Variants in TMEM132D observed in about 807,000 individuals in gnomAD.
TMEM132D encodes the protein transmembrane protein 132D.
TMEM132D carries 21 observed loss-of-function variants against 62.3 expected under a neutral mutation model. The observed-to-expected ratio is 0.34, with a 90% CI of 0.24 to 0.49. The LOEUF is 0.49. Ranked by LOEUF, TMEM132D falls within the 20% of genes least tolerant of loss-of-function variation. TMEM132D has a pLI of 0.99. For synonymous variants in TMEM132D, 621 were observed against 575.6 expected, an observed-to-expected ratio of 1.08 and a Z score of -1.13; for missense variants, 1,346 against 1,402.8, an observed-to-expected ratio of 0.96 and a Z score of 0.65.
intron 3 of TMEM132D, among the ~76,000 whole-genome samples, chr12:129,347,358 G>T (rs544975685): frequency 3.9e-5 from 6 of 152,128 alleles, no homozygotes; most frequent in African/African-American, 1.4e-4. Context: ...TACCAAAACA[G>T]ATATAGAGAC....
intron 3 of TMEM132D, among the ~76,000 whole-genome samples, chr12:129,343,405 A>G (rs1869567916): frequency 6.6e-6 from 1 of 150,856 alleles, no homozygotes; most frequent in Admixed American, 6.6e-5. Context: ...GAAGAGGAAC[A>G]TCACACACTG....
chr12:129,502,744 A>G (rs1233645475), intron 3 of TMEM132D, among the ~76,000 whole-genome samples: 2 of 152,214 alleles, frequency 1.3e-5, no homozygotes, highest in Non-Finnish European at 2.9e-5. Flanking sequence ...TCTGGCATTG[A>G]TATTCATTGG....
In TMEM132D at chr12:129,178,852, C is replaced by T. The variant is rs368960128; in HGVS notation, c.1443+30668G>A. Among the ~76,000 whole-genome samples, 158 of 152,252 alleles carry T rather than the reference C, an allele frequency of 1.0e-3. 1 individual carries two copies. Among genetic ancestry groups the T allele is most frequent in the Admixed American group, 2.2e-3 (34 of 15,288 alleles). ...CTGCACTCCTTGAACCTGGGTTTGG[C>T]CAGGTGGCTGCTGTGGGTCAAAGGA... On this transcript the variant is annotated intron_variant, in intron 5 of 8. Coordinates refer to ENST00000422113, the MANE Select transcript of TMEM132D (RefSeq NM_133448.3).
At chr12:129,482,655 A>G (rs1874462010) in intron 3 of TMEM132D, among the ~76,000 whole-genome samples, 1 of 152,216 alleles carries the variant, frequency 6.6e-6, no homozygotes, top group Non-Finnish European at 1.5e-5. Context: ...GTACAGCAAA[A>G]TAGCTTTTTA....
At chr12:129,895,961 CTCTTTTTTT>C (rs1166737960) in intron 1 of TMEM132D, among the ~76,000 whole-genome samples, 7 of 99,806 alleles carry the variant, frequency 7.0e-5, no homozygotes, top group African/African-American at 1.0e-4. Flanking sequence ...TTCTCTGTCT[CTCTTTTTTT>C]TTTTTTTTTT....
chr12:129,087,944 GGGTGTCCTCCCT>G (rs879930815), intron 5 of TMEM132D, among the ~76,000 whole-genome samples: 2,605 of 33,400 alleles, frequency 0.078, 152 homozygotes, highest in East Asian at 0.11. Flanking sequence ...TCCATGACCG[GGGTGTCCTCCCT>G]GACCGGGGTG....
intron 2 of TMEM132D, among the ~76,000 whole-genome samples, chr12:129,679,811 TTTTG>T (rs142959369): frequency 0.013 from 2,019 of 152,286 alleles, 54 homozygotes; most frequent in African/African-American, 0.044. Flanking sequence ...GAAGTTGCTT[TTTTG>T]TTTTTCTTTC....
chr12:129,802,625 ATC>A (rs1299906745), intron 1 of TMEM132D, among the ~76,000 whole-genome samples: 1 of 130,846 alleles, frequency 7.6e-6, no homozygotes, highest in Non-Finnish European at 1.6e-5. Context: ...AAGAAACTGC[ATC>A]AACTAACGAG....
intron 3 of TMEM132D, among the ~76,000 whole-genome samples, chr12:129,405,998 AATTC>A (rs1221100596): frequency 6.6e-6 from 1 of 152,206 alleles, no homozygotes; most frequent in Non-Finnish European, 1.5e-5. Flanking sequence ...TATAAAACCC[AATTC>A]ATTAATTCAC....
chr12:129,530,990 G>GAAAGA, intron 3 of TMEM132D, 69 bp downstream of exon 3: 1 of 1,267,186 alleles, frequency 7.9e-7, no homozygotes, highest in African/African-American at 1.6e-5. Context: ...AGCAATCTAG[G>GAAAGA]AAAAAAAAAA....
intron 1 of TMEM132D, among the ~76,000 whole-genome samples, chr12:129,804,482 A>G (rs1308928652): frequency 6.6e-6 from 1 of 150,742 alleles, no homozygotes. Flanking sequence ...GTTTGACAAA[A>G]TTCAACAACC....
chr12:129,706,228 T>C (rs1881504121), intron 1 of TMEM132D, among the ~76,000 whole-genome samples: 1 of 151,974 alleles, frequency 6.6e-6, no homozygotes, highest in African/African-American at 2.4e-5. Context: ...AAAGTTAAGC[T>C]ATAAATTGTC....
chr12:129,346,766 A>G (rs1028913935), intron 3 of TMEM132D, among the ~76,000 whole-genome samples: 2 of 152,148 alleles, frequency 1.3e-5, no homozygotes, highest in Non-Finnish European at 2.9e-5. Flanking sequence ...AGGAAGCCAA[A>G]TTGTCTCTTT....
chr12:129,092,442 C>T (rs1390853047), intron 5 of TMEM132D, among the ~76,000 whole-genome samples: 1 of 151,700 alleles, frequency 6.6e-6, no homozygotes, highest in Non-Finnish European at 1.5e-5. Context: ...CCTTTTTGTG[C>T]TTAGTCTCTG....
Position 129,404,477 on chromosome 12 carries a change from G to A in TMEM132D, c.1116-66660C>T, listed in dbSNP as rs761951165. Reference sequence around the variant, plus strand: ...CTCCCAAAGTGCTGGGATTACAGGCGTGAGCCACCATGCCCGGCCAAGACT... The same window carrying A: ...CTCCCAAAGTGCTGGGATTACAGGCATGAGCCACCATGCCCGGCCAAGACT... On this transcript the variant is annotated intron_variant, in intron 3 of 8. Coordinates refer to ENST00000422113, the MANE Select transcript of TMEM132D (RefSeq NM_133448.3). Among the ~76,000 whole-genome samples the A allele has an allele frequency of 4.6e-5, 7 of 152,212 alleles. No individual in the cohort carries two copies. In the East Asian group the frequency reaches 9.6e-4, roughly 21 times the overall value.
intron 2 of TMEM132D, 132 bp downstream of exon 2, chr12:129,699,678 A>T: frequency 1.8e-6 from 2 of 1,108,028 alleles, no homozygotes; most frequent in East Asian, 2.5e-5. Flanking sequence ...CACGGTGCAG[A>T]TGGAGTTTGT....
At chr12:129,552,717 T>C (rs1453245955) in intron 2 of TMEM132D, among the ~76,000 whole-genome samples, 2 of 152,148 alleles carry the variant, frequency 1.3e-5, no homozygotes, top group Non-Finnish European at 2.9e-5. Flanking sequence ...TTACCTATTA[T>C]CTATCTACAT....
chr12:129,631,927 C>T (rs979131973), intron 2 of TMEM132D, among the ~76,000 whole-genome samples: 2 of 152,064 alleles, frequency 1.3e-5, no homozygotes, highest in African/African-American at 4.8e-5. Flanking sequence ...CACATAAGAG[C>T]CATATAATTT....
intron 3 of TMEM132D, among the ~76,000 whole-genome samples, chr12:129,446,991 A>C (rs76644115): frequency 2.0e-5 from 3 of 152,282 alleles, no homozygotes; most frequent in Admixed American, 2.0e-4. Context: ...CTAACCATCA[A>C]TTCAAATCTA....
Sources: allele counts gnomAD v4.1 joint callset (sites outside exome capture counted in the v4.1 genomes callset), GRCh38; gene constraint gnomAD v4.1.1; transcripts MANE v1.5; gene names NCBI Gene and HGNC (gene_info 2026-07-23, HGNC 2026-07-21).